The following SORCS1 variants were observed in gnomAD, a reference collection of about 807,000 sequenced individuals.
SORCS1 encodes VPS10 domain-containing receptor SorCS1.
A neutral mutation model predicts 146.1 loss-of-function variants in SORCS1; 60 were observed. The observed-to-expected ratio is 0.41, with a 90% CI of 0.33 to 0.51. SORCS1 has a LOEUF of 0.51. SORCS1 is among the 20% of genes least tolerant of loss of function. The pLI is 0.21. For synonymous variants in SORCS1, 637 were observed against 584.0 expected, an observed-to-expected ratio of 1.09 and a Z score of -1.31; for missense variants, 1,352 against 1,487.6, an observed-to-expected ratio of 0.91 and a Z score of 1.50.
chr10:106,895,586 G>A (rs777467045), intron 2 of SORCS1, among the ~76,000 whole-genome samples: 14 of 152,130 alleles, frequency 9.2e-5, no homozygotes, highest in Non-Finnish European at 1.8e-4. Flanking sequence ...ACTCCAGCCT[G>A]GGAGACACAG....
intron 2 of SORCS1, among the ~76,000 whole-genome samples, chr10:106,869,371 T>A (rs924135829): frequency 1.3e-5 from 2 of 152,036 alleles, no homozygotes; most frequent in Non-Finnish European, 2.9e-5. Context: ...TACCAAAACC[T>A]CGCAGACACA....
chr10:106,777,168 C>T (rs1169004275), intron 3 of SORCS1, among the ~76,000 whole-genome samples: 4 of 152,144 alleles, frequency 2.6e-5, no homozygotes, highest in South Asian at 2.1e-4. Context: ...TGATTTCCTA[C>T]GCCATCCAAA....
At chr10:106,618,057 T>G (rs1406479503) in intron 21 of SORCS1, 92 bp downstream of exon 21, 1 of 1,536,204 alleles carries the variant, frequency 6.5e-7, no homozygotes, top group Non-Finnish European at 8.8e-7. Context: ...CAGGTAAAAG[T>G]CACAGCTGGG....
intron 2 of SORCS1, among the ~76,000 whole-genome samples, chr10:106,907,681 C>G (rs1394172089): frequency 6.6e-6 from 1 of 152,102 alleles, no homozygotes; most frequent in Non-Finnish European, 1.5e-5. Context: ...AATCCCAACA[C>G]TTTGGGAGGC....
chr10:106,629,158 CA>C lies in SORCS1; in HGVS notation c.2662+43del, dbSNP rs555988505. The C allele has an allele frequency of 2.5e-4, 380 of 1,534,002 alleles. 1 individual carries two copies. The East Asian group carries it at 8.5e-3, about 34-fold the overall frequency. On this transcript the variant is annotated intron_variant, in intron 19 of 25. Coordinates refer to ENST00000263054, the MANE Select transcript of SORCS1 (RefSeq NM_052918.5). ...TTGTGAATTCAATTTGAAAAGGACA[CA>C]ATATTTAAGATAGGTCATAAACCAA...
chr10:106,695,113 A>G (rs767427401), intron 9 of SORCS1, among the ~76,000 whole-genome samples: 48 of 152,088 alleles, frequency 3.2e-4, no homozygotes, highest in Non-Finnish European at 5.6e-4. Flanking sequence ...CGGACCATTC[A>G]TTCTATTCAG....
At position 107,064,767 on chromosome 10, in the gene SORCS1, T is replaced by C. The variant is rs144163327; in HGVS notation, c.558+99202A>G. Among the ~76,000 whole-genome samples the C allele has an allele frequency of 3.8e-3, 577 of 152,330 alleles. 3 individuals carry two copies. The highest frequency in any genetic ancestry group is 5.1e-3 in the Non-Finnish European group (344 of 68,022). On this transcript the variant is annotated intron_variant, in intron 1 of 25. Coordinates refer to ENST00000263054, the MANE Select transcript of SORCS1 (RefSeq NM_052918.5). ...AAGCTCTACAAGACTTTATTATACA[T>C]GCCTACTAGTCCTGGAACAGATTAG...
At chr10:106,917,819 T>A (rs1340942866) in intron 2 of SORCS1, among the ~76,000 whole-genome samples, 2 of 152,224 alleles carry the variant, frequency 1.3e-5, no homozygotes, top group African/African-American at 4.8e-5. Context: ...ATTGTTCCAC[T>A]ACAGCCAAGG....
chr10:106,994,912 T>C (rs1956928340), intron 1 of SORCS1, among the ~76,000 whole-genome samples: 1 of 152,166 alleles, frequency 6.6e-6, no homozygotes, highest in Non-Finnish European at 1.5e-5. Context: ...AATCTATCCG[T>C]TTCCTCATAA....
chr10:107,026,166 A>G (rs2133900136), intron 1 of SORCS1, among the ~76,000 whole-genome samples: 1 of 152,346 alleles, frequency 6.6e-6, no homozygotes, highest in East Asian at 1.9e-4. Flanking sequence ...TCCTTTACAC[A>G]TTGGAATGTT....
At chr10:106,691,030 T>C (rs1589671320) in intron 9 of SORCS1, among the ~76,000 whole-genome samples, 1 of 152,128 alleles carries the variant, frequency 6.6e-6, no homozygotes, top group Non-Finnish European at 1.5e-5. Context: ...ATGTGGAATG[T>C]GTGTGGGTGT....
chr10:106,992,818 CTTTCTTTCTTTTTTT>C (rs1956820628), intron 1 of SORCS1, among the ~76,000 whole-genome samples: 1 of 110,422 alleles, frequency 9.1e-6, no homozygotes, highest in African/African-American at 3.7e-5. Context: ...TTCTTCCTTT[CTTTCTTTCTTTTTTT>C]TTTTTTTTTT....
At chr10:106,618,564 CTCTT>C (rs1454949773) in intron 20 of SORCS1, among the ~76,000 whole-genome samples, 2 of 152,148 alleles carry the variant, frequency 1.3e-5, no homozygotes, top group Non-Finnish European at 2.9e-5. Flanking sequence ...ATGTATGTCT[CTCTT>C]TATGCATGAC....
chr10:106,707,896 C>A (rs1233375688), intron 7 of SORCS1, among the ~76,000 whole-genome samples: 1 of 152,212 alleles, frequency 6.6e-6, no homozygotes, highest in Non-Finnish European at 1.5e-5. Context: ...AGAATGTCAA[C>A]AAATGCGCAT....
At chr10:106,823,024 C>A (rs1948130362) in intron 3 of SORCS1, among the ~76,000 whole-genome samples, 2 of 152,106 alleles carry the variant, frequency 1.3e-5, no homozygotes, top group Middle Eastern at 3.4e-3. Flanking sequence ...CTCAGGTGAT[C>A]CACCCACCTC....
At chr10:106,767,557 C>T (rs994779643) in intron 4 of SORCS1, among the ~76,000 whole-genome samples, 6 of 152,252 alleles carry the variant, frequency 3.9e-5, no homozygotes, top group Admixed American at 2.0e-4. Context: ...GGCGCCATCT[C>T]GGCTCACTGC....
At chr10:106,850,887 T>C (rs1341986472) in intron 2 of SORCS1, among the ~76,000 whole-genome samples, 1 of 152,204 alleles carries the variant, frequency 6.6e-6, no homozygotes, top group African/African-American at 2.4e-5. Context: ...ATTCTAGGCC[T>C]AGGAGTCTAC....
Position 106,829,560 on chromosome 10 carries a change from T to G in SORCS1, c.726+14A>C. The G allele has an allele frequency of 6.4e-7, 1 of 1,565,506 alleles. No homozygotes were observed. The highest frequency in any genetic ancestry group is 8.8e-7 in the Non-Finnish European group (1 of 1,141,510). ...CATCATGAATGAGTAGCATGCTGAA[T>G]ATACATTTCTTACCTTACGCTTGTT... On this transcript the variant is annotated intron_variant, in intron 3 of 25. Coordinates refer to ENST00000263054, the MANE Select transcript of SORCS1 (RefSeq NM_052918.5).
At position 106,574,804 on chromosome 10, in the gene SORCS1, G is replaced by C. The variant is rs185466612; in HGVS notation, c.*2616C>G. ...TGCCTCACTAATCTCCTACAGATGG[G>C]AGGGAGCTTTGAGGAGAGGCACATG... On this transcript the variant is annotated 3_prime_UTR_variant, in exon 26 of 26. Transcript: ENST00000263054. 1 of 152,612 alleles carries C rather than the reference G, an allele frequency of 6.6e-6. No individual in the cohort carries two copies. The highest frequency in any genetic ancestry group is 1.9e-4 in the East Asian group (1 of 5,146). 9.5% of individuals were successfully genotyped at this position (152,612 alleles called of 1,614,324 possible).
Sources: allele counts gnomAD v4.1 joint callset (sites outside exome capture counted in the v4.1 genomes callset), GRCh38; gene constraint gnomAD v4.1.1; transcripts MANE v1.5; gene names NCBI Gene and HGNC (gene_info 2026-07-23, HGNC 2026-07-21).